EVC: variants seen among roughly 807,000 people sequenced by gnomAD.
EVC encodes the protein EvC ciliary complex subunit 1.
A neutral mutation model predicts 118.9 loss-of-function variants in EVC; 116 were observed. The ratio of observed to expected loss-of-function variants is 0.98; its 90% CI spans 0.84 to 1.14. The LOEUF (loss-of-function observed/expected upper bound fraction) is 1.14. Ranked by LOEUF, EVC falls within the 50% of genes most tolerant of loss-of-function variation. The pLI, the probability that EVC is intolerant of heterozygous loss-of-function variation, is 0.00. For missense variants in EVC, 1,401 were observed against 1,246.4 expected (o/e 1.12, Z -1.87); for synonymous variants, 619 against 534.7 (o/e 1.16, Z -2.18).
At chr4:5,777,860 T>C (rs1030747797) in intron 11 of EVC, among the ~76,000 whole-genome samples, 8 of 149,852 alleles carry the variant, frequency 5.3e-5, no homozygotes, top group Non-Finnish European at 1.2e-4. Flanking sequence ...TATTATACTT[T>C]AAGTTTTAGG....
In EVC at chr4:5,793,608, G is replaced by A. The variant is rs150535483; in HGVS notation, c.1777G>A (p.Val593Met). 2.8e-5 allele frequency: 44 copies of A among 1,551,664 alleles called. No individual in the cohort carries two copies. In the African/African-American group the frequency reaches 5.5e-4, roughly 19 times the overall value. ...CTCTGTCCCTCTGTCCCGAGTTCAG[G>A]TGTGGATGGAGGAGTGTGCGCTGTC... ...FQELLEQDQQ[V>M]WMEECALSSV... The change falls in exon 13 of 21, where the codon GTG (valine) becomes ATG (methionine). Residue 593 changes from valine (V) to methionine (M), a missense_variant and splice_region_variant. Val to Met is a conservative substitution (Grantham distance 21). Coordinates refer to ENST00000264956, the MANE Select transcript of EVC (RefSeq NM_153717.3).
At chr4:5,733,506 G>T in intron 5 of EVC, 71 bp downstream of exon 5, 1 of 1,291,184 alleles carries the variant, frequency 7.7e-7, no homozygotes, top group Non-Finnish European at 1.1e-6. Flanking sequence ...TCTGTGTGCA[G>T]TGAGTCCCAG....
the EVC span, chr4:5,820,665 T>C: frequency 6.6e-6 from 1 of 152,174 alleles, no homozygotes; most frequent in African/African-American, 2.4e-5. Flanking sequence ...TCCACCAGTC[T>C]CTACCAAGAG....
the EVC span, chr4:5,825,642 C>A: frequency 6.2e-7 from 1 of 1,611,578 alleles, no homozygotes; most frequent in African/African-American, 1.3e-5. The surrounding 1 kb of genome is among the most constrained non-coding windows in gnomAD (Gnocchi z 4.4). Context: ...CCCTGGAAAC[C>A]CCTTGCAATC....
chr4:5,749,869 A>T lies in EVC; in HGVS notation c.1098+1563A>T, dbSNP rs574278562. Among the ~76,000 whole-genome samples, 1 of 151,980 alleles carries T rather than the reference A, an allele frequency of 6.6e-6. No individual in the cohort carries two copies. Among genetic ancestry groups the T allele is most frequent in the Non-Finnish European group, 1.5e-5 (1 of 67,982 alleles). The stretch of plus-strand genomic sequence containing the variant: ...CCTTGCACACCACATGCCTCTCCCA[A>T]TCCGCTCTGCTCCTCCAGGTGTGAT... On this transcript the variant is annotated intron_variant, in intron 8 of 20. Coordinates refer to ENST00000264956, the MANE Select transcript of EVC (RefSeq NM_153717.3). The surrounding 1 kb of genome is among the most constrained non-coding windows in gnomAD (Gnocchi z 4.4).
chr4:5,805,629 C>T (rs1447340802), intron 17 of EVC, among the ~76,000 whole-genome samples: 1 of 152,148 alleles, frequency 6.6e-6, no homozygotes, highest in Non-Finnish European at 1.5e-5. Flanking sequence ...TGAGGAGAGC[C>T]CAAGAATCTG....
intron 3 of EVC, among the ~76,000 whole-genome samples, chr4:5,730,802 C>T (rs1028557461): frequency 2.3e-4 from 35 of 152,052 alleles, no homozygotes; most frequent in Non-Finnish European, 4.3e-4. Context: ...TCACCAGGAG[C>T]GTCTAAGCCA....
downstream of EVC, among the ~76,000 whole-genome samples, chr4:5,816,611 T>C (rs1327527290): frequency 8.2e-6 from 1 of 122,538 alleles, no homozygotes; most frequent in Non-Finnish European, 1.7e-5. Context: ...TTACCCCCTC[T>C]GTCCTTCTTT....
rs139157869 is a variant in EVC, at chr4:5,756,294, C to G, written c.1495C>G (p.Leu499Val). 40 of 1,613,016 alleles carry G rather than the reference C, an allele frequency of 2.5e-5. No individual in the cohort carries two copies. In the African/African-American group the frequency reaches 4.9e-4, roughly 20 times the overall value. Residue 499 changes from leucine (L) to valine (V), a missense_variant, in exon 11 of 21, where the codon CTG becomes GTG. Leu to Val is a conservative substitution (Grantham distance 32). Coordinates refer to ENST00000264956, the MANE Select transcript of EVC (RefSeq NM_153717.3). This position sits in a 1 kb window ranked among gnomAD's most constrained non-coding sequence, Gnocchi z 4.2. The part of the protein sequence containing the change: ...AFHEVLERQR[L>V]MQCDLEEEEN... ...TCATGAGGTCCTGGAGAGGCAGAGG[C>G]TGATGCAGTGTGACCTGGAGGAAGA...
chr4:5,802,104 C>T lies in EVC; in HGVS notation c.2449+10C>T, dbSNP rs758387379. 8.1e-5 allele frequency: 125 copies of T among 1,536,762 alleles called. No homozygotes were observed. In the Middle Eastern group the frequency reaches 8.5e-4, roughly 10 times the overall value. On this transcript the variant is annotated intron_variant, in intron 16 of 20. Coordinates refer to ENST00000264956, the MANE Select transcript of EVC (RefSeq NM_153717.3). ...CTGAAGACCCTGCAGGGTACGGGAC[C>T]CCCCCTCAGGGAAGCCCCAGAAGAG... is the stretch of plus-strand genomic sequence containing the variant.
chr4:5,821,770 C>CTGGTGATGT, the EVC span: 1 of 1,610,288 alleles, frequency 6.2e-7, no homozygotes, highest in Non-Finnish European at 8.5e-7. This position sits in a 1 kb window ranked among gnomAD's most constrained non-coding sequence, Gnocchi z 4.4. Context: ...TCAACCGAGG[C>CTGGTGATGT]TGGTGATGTT....
intron 8 of EVC, 198 bp from the exon 9 acceptor site, chr4:5,752,638 G>GAGAC: frequency 1.5e-6 from 1 of 665,502 alleles, no homozygotes; most frequent in Admixed American, 2.2e-5. Flanking sequence ...CACCCTAGGA[G>GAGAC]AGACACTTAA....
At chr4:5,730,923 T>C (rs931510944) in intron 3 of EVC, among the ~76,000 whole-genome samples, 1 of 151,334 alleles carries the variant, frequency 6.6e-6, no homozygotes, top group Non-Finnish European at 1.5e-5. Context: ...GTGTGCATGG[T>C]GTGCATGGTG....
intron 17 of EVC, among the ~76,000 whole-genome samples, chr4:5,806,500 A>C (rs1385979413): frequency 6.6e-6 from 1 of 152,014 alleles, no homozygotes; most frequent in East Asian, 1.9e-4. Flanking sequence ...AGTTCCATCC[A>C]CGTTGCTGTA....
At chr4:5,803,627 A>G (rs1370877472) in intron 16 of EVC, among the ~76,000 whole-genome samples, 1 of 152,280 alleles carries the variant, frequency 6.6e-6, no homozygotes, top group East Asian at 1.9e-4. Context: ...TTTCACAGTA[A>G]ACACATTGAA....
intron 12 of EVC, among the ~76,000 whole-genome samples, chr4:5,786,002 T>C (rs1253060370): frequency 1.3e-5 from 2 of 152,174 alleles, no homozygotes; most frequent in Middle Eastern, 6.8e-3. Context: ...TTAGAGACCA[T>C]TGTGGTTTTG....
At chr4:5,799,031 T>C (rs1714498498) in intron 15 of EVC, among the ~76,000 whole-genome samples, 1 of 152,160 alleles carries the variant, frequency 6.6e-6, no homozygotes, top group Non-Finnish European at 1.5e-5. Flanking sequence ...CTGCGCTGCA[T>C]CATCCTGAGC....
chr4:5,750,225 TTCAGTTTGATAAGGC>T (rs1730147724), intron 8 of EVC, among the ~76,000 whole-genome samples: 1 of 152,174 alleles, frequency 6.6e-6, no homozygotes, highest in Admixed American at 6.5e-5. Flanking sequence ...TGAATTGGAT[TTCAGTTTGATAAGGC>T]TGCTGACTCA....
chr4:5,808,076 GA>G, intron 17 of EVC, 124 bp from the exon 18 acceptor site: 1 of 791,274 alleles, frequency 1.3e-6, no homozygotes, highest in South Asian at 1.6e-5. Flanking sequence ...TGGTGCCCCC[GA>G]TGGCCAGGCC....
Sources: gnomAD v4.1 joint callset for allele counts (sites outside exome capture counted in the v4.1 genomes callset) on GRCh38, gnomAD v4.1.1 for gene constraint, Gnocchi (gnomAD v3.1) non-coding constraint, MANE v1.5 for transcripts, NCBI Gene and HGNC (gene_info 2026-07-23, HGNC 2026-07-21) for gene names.